Variants in NRG4 observed in about 807,000 individuals in gnomAD.
NRG4 encodes the protein pro-neuregulin-4, membrane-bound isoform.
A neutral mutation model predicts 15.0 loss-of-function variants in NRG4; 10 were observed. The ratio of observed to expected loss-of-function variants is 0.67; its 90% CI spans 0.41 to 1.13. The LOEUF is 1.13. NRG4 is among the 50% of genes most tolerant of loss of function. The probability of loss-of-function intolerance (pLI) is 0.00; values close to 1 mark genes in which losing one functional copy is unlikely to be tolerated. For synonymous variants in NRG4, 41 were observed against 50.1 expected, an observed-to-expected ratio of 0.82 and a Z score of 0.77; for missense variants, 139 against 140.2, an observed-to-expected ratio of 0.99 and a Z score of 0.04.
intron 5 of NRG4, among the ~76,000 whole-genome samples, chr15:75,948,286 C>T (rs1040434317): frequency 4.0e-5 from 6 of 151,208 alleles, no homozygotes; most frequent in Non-Finnish European, 7.4e-5. Flanking sequence ...TTAGCTCTTA[C>T]GTTTAGGTCT....
chr15:76,011,403 C>A, intron 1 of NRG4, 117 bp from the exon 2 acceptor site: 1 of 498,402 alleles, frequency 2.0e-6, no homozygotes, highest in Non-Finnish European at 3.1e-6. Context: ...ATAATAAAGA[C>A]ATTTATATAC....
At chr15:76,057,427 TCA>T (rs1446459563) in intron 1 of NRG4, among the ~76,000 whole-genome samples, 1 of 152,116 alleles carries the variant, frequency 6.6e-6, no homozygotes, top group Non-Finnish European at 1.5e-5. Context: ...TGGCAGATCT[TCA>T]CAGTTCCTCT....
chr15:76,058,175 T>C (rs1498198), intron 1 of NRG4, among the ~76,000 whole-genome samples: 14,867 of 152,246 alleles, frequency 0.098, 1,802 homozygotes, highest in African/African-American at 0.29. Flanking sequence ...ATGCTGTCAC[T>C]GACTGTCAGA....
chr15:75,946,359 TTTGA>T (rs908511222), intron 5 of NRG4, among the ~76,000 whole-genome samples: 9 of 151,892 alleles, frequency 5.9e-5, no homozygotes, highest in Admixed American at 4.6e-4. Context: ...GTTTGTTTTG[TTTGA>T]TTTTGTTTTT....
At chr15:75,993,791 C>T (rs1266655225) in intron 3 of NRG4, among the ~76,000 whole-genome samples, 1 of 152,098 alleles carries the variant, frequency 6.6e-6, no homozygotes, top group African/African-American at 2.4e-5. Flanking sequence ...CTGTTAAGCC[C>T]ACTCAGAAAT....
At chr15:76,046,100 C>T (rs2035862234) in intron 4 of NRG4, among the ~76,000 whole-genome samples, 1 of 150,564 alleles carries the variant, frequency 6.6e-6, no homozygotes, top group Non-Finnish European at 1.5e-5. Context: ...ATTTCATTTA[C>T]AATAACTACA....
intron 3 of NRG4, among the ~76,000 whole-genome samples, chr15:75,997,012 A>G (rs1299564619): frequency 6.6e-6 from 1 of 152,086 alleles, no homozygotes; most frequent in African/African-American, 2.4e-5. Context: ...GCTTTTTTTC[A>G]TGATCTTCTC....
At chr15:76,054,477 C>T (rs1317897371) in intron 2 of NRG4, among the ~76,000 whole-genome samples, 1 of 152,112 alleles carries the variant, frequency 6.6e-6, no homozygotes, top group East Asian at 1.9e-4. Context: ...TGCAGTGGCA[C>T]GATCTTGGCT....
chr15:76,048,702 C>G lies in NRG4; in HGVS notation c.-105+3365G>C, dbSNP rs990870496. 2.7e-5 allele frequency among the ~76,000 whole-genome samples: 4 copies of G among 150,630 alleles called. 1 individual carries two copies. The highest frequency in any genetic ancestry group is 5.9e-5 in the Non-Finnish European group (4 of 67,824). ...GCCTCTCATACATACCTGGGTCTTT[C>G]TAAAGACTTCCTATGCCCTTGAAGC... On this transcript the variant is annotated intron_variant, in intron 4 of 8. Transcript: ENST00000563910.
intron 5 of NRG4, among the ~76,000 whole-genome samples, chr15:76,030,153 G>T (rs1472371052): frequency 6.6e-6 from 1 of 152,144 alleles, no homozygotes; most frequent in Non-Finnish European, 1.5e-5. Context: ...CAGCTACTCA[G>T]GAGGCTGAGG....
At chr15:76,047,417 A>G (rs959624333) in intron 4 of NRG4, among the ~76,000 whole-genome samples, 2 of 151,054 alleles carry the variant, frequency 1.3e-5, no homozygotes, top group Non-Finnish European at 2.9e-5. Flanking sequence ...ATATACGTAC[A>G]CACTGGAGTA....
intron 3 of NRG4, chr15:75,971,215 C>T (rs1400407418): frequency 4.4e-6 from 2 of 455,664 alleles, no homozygotes; most frequent in Admixed American, 4.7e-5. Context: ...GTTGTGACAT[C>T]TATTGGTTCC....
intron 3 of NRG4, among the ~76,000 whole-genome samples, chr15:75,998,574 C>T (rs530805329): frequency 6.6e-6 from 1 of 152,174 alleles, no homozygotes; most frequent in Admixed American, 6.5e-5. Flanking sequence ...GAGGTGAGAA[C>T]AATAATAGGG....
At chr15:76,047,236 T>C (rs1054812511) in intron 4 of NRG4, among the ~76,000 whole-genome samples, 1 of 150,660 alleles carries the variant, frequency 6.6e-6, no homozygotes. Context: ...AGCCTAAAAA[T>C]AGATCTACCA....
intron 5 of NRG4, among the ~76,000 whole-genome samples, chr15:75,947,414 G>A (rs112351456): frequency 0.016 from 2,433 of 152,240 alleles, 61 homozygotes; most frequent in African/African-American, 0.055. Context: ...TCATCCTTAT[G>A]AGTAGCCTGC....
At chr15:75,936,935 G>T (rs1191841250), downstream of NRG4, 1 of 151,994 alleles carries the variant, frequency 6.6e-6, no homozygotes, top group African/African-American at 2.4e-5. Flanking sequence ...CTGTTAGCCA[G>T]TAAAAACAGG....
chr15:75,988,904 C>T (rs898012824), intron 3 of NRG4, among the ~76,000 whole-genome samples: 4 of 148,484 alleles, frequency 2.7e-5, no homozygotes, highest in Admixed American at 6.7e-5. Context: ...GTGCCCAGGC[C>T]GGAGTGGCAG....
At chr15:76,019,839 G>T (rs2035099226) in intron 5 of NRG4, among the ~76,000 whole-genome samples, 1 of 151,966 alleles carries the variant, frequency 6.6e-6, no homozygotes, top group Non-Finnish European at 1.5e-5. Context: ...ACATTCAAAG[G>T]CAATTTTTAC....
chr15:75,976,977 T>A (rs1468347951), intron 3 of NRG4, among the ~76,000 whole-genome samples: 2 of 152,176 alleles, frequency 1.3e-5, no homozygotes, highest in Admixed American at 1.3e-4. Flanking sequence ...AGGAGTTTTA[T>A]CTGTAAGTCC....
Sources: gnomAD v4.1 joint callset for allele counts (sites outside exome capture counted in the v4.1 genomes callset) on GRCh38, gnomAD v4.1.1 for gene constraint, MANE v1.5 for transcripts, NCBI Gene and HGNC (gene_info 2026-07-23, HGNC 2026-07-21) for gene names.